Variants in PHACTR3 observed in about 807,000 individuals in gnomAD.
The protein encoded by PHACTR3 is protein phosphatase 1, regulatory subunit 123.
Under a neutral mutation model 66.8 loss-of-function variants are expected in PHACTR3, and 16 were observed. The ratio of observed to expected loss-of-function variants is 0.24; its 90% confidence interval spans 0.16 to 0.36. The LOEUF is 0.36. PHACTR3 is among the 10% of genes least tolerant of loss of function. The pLI is 1.00. For synonymous variants in PHACTR3, 323 were observed against 292.1 expected, an observed-to-expected ratio of 1.11 and a Z score of -1.08; for missense variants, 647 against 719.9, an observed-to-expected ratio of 0.90 and a Z score of 1.16.
chr20:59,669,665 C>T (rs780836411), intron 1 of PHACTR3, among the ~76,000 whole-genome samples: 1 of 152,182 alleles, frequency 6.6e-6, no homozygotes, highest in Non-Finnish European at 1.5e-5. Flanking sequence ...ACCTGTAACC[C>T]GCTTTCTGTT....
chr20:59,608,480 G>C (rs538926980), intron 1 of PHACTR3, among the ~76,000 whole-genome samples: 1 of 152,358 alleles, frequency 6.6e-6, no homozygotes, highest in East Asian at 1.9e-4. Context: ...GTCACAAGGG[G>C]TTTTGCTTCC....
chr20:59,757,071 AG>A (rs2039824491), intron 4 of PHACTR3, among the ~76,000 whole-genome samples: 1 of 152,242 alleles, frequency 6.6e-6, no homozygotes, highest in South Asian at 2.1e-4. Flanking sequence ...TCTCAAAAGA[AG>A]ATATTTATGC....
intron 8 of PHACTR3, among the ~76,000 whole-genome samples, chr20:59,833,164 G>A (rs568759552): frequency 1.5e-4 from 23 of 152,318 alleles, no homozygotes; most frequent in Non-Finnish European, 2.4e-4. Context: ...CTGTGCCTCC[G>A]GGGCTGTGTC....
At chr20:59,658,766 C>A (rs1284183020) in intron 1 of PHACTR3, among the ~76,000 whole-genome samples, 2 of 152,158 alleles carry the variant, frequency 1.3e-5, no homozygotes, top group African/African-American at 4.8e-5. Context: ...TCCTCTACAA[C>A]CTGATCCAGT....
chr20:59,784,239 C>T (rs913891415), intron 7 of PHACTR3, among the ~76,000 whole-genome samples: 8 of 152,012 alleles, frequency 5.3e-5, no homozygotes, highest in South Asian at 2.1e-4. Flanking sequence ...GTACAGCCCC[C>T]GCAATCGCAT....
At chr20:59,628,982 A>T (rs1488656900) in intron 1 of PHACTR3, among the ~76,000 whole-genome samples, 5 of 152,228 alleles carry the variant, frequency 3.3e-5, no homozygotes, top group Non-Finnish European at 5.9e-5. Flanking sequence ...TGGTACAGTG[A>T]GGTTAACTAA....
intron 1 of PHACTR3, among the ~76,000 whole-genome samples, chr20:59,596,942 C>T (rs757426198): frequency 6.6e-5 from 10 of 152,236 alleles, no homozygotes; most frequent in South Asian, 2.1e-4. Context: ...GTGTTGGACA[C>T]GGCTTACCCC....
chr20:59,836,445 C>G (rs1016942191), intron 8 of PHACTR3, 60 bp from the exon 9 acceptor site: 1 of 1,542,274 alleles, frequency 6.5e-7, no homozygotes, highest in Non-Finnish European at 8.8e-7. Context: ...TTGCAGACCC[C>G]AGGTGGAATT....
At chr20:59,685,174 G>A (rs2036816107) in intron 1 of PHACTR3, among the ~76,000 whole-genome samples, 1 of 152,182 alleles carries the variant, frequency 6.6e-6, no homozygotes, top group Non-Finnish European at 1.5e-5. Context: ...CCCTGCTTCT[G>A]CCCTGCAGTG....
intron 7 of PHACTR3, among the ~76,000 whole-genome samples, chr20:59,805,392 C>G (rs2041535962): frequency 6.6e-6 from 1 of 152,162 alleles, no homozygotes; most frequent in Non-Finnish European, 1.5e-5. Context: ...AAGGCTGTCA[C>G]TTAAAGTCTC....
At chr20:59,693,594 T>C (rs1289433430) in intron 1 of PHACTR3, among the ~76,000 whole-genome samples, 2 of 152,214 alleles carry the variant, frequency 1.3e-5, no homozygotes, top group African/African-American at 4.8e-5. Flanking sequence ...GAGACTGAGG[T>C]GGTACCTGGT....
chr20:59,783,389 A>G (rs2040795901), intron 7 of PHACTR3, among the ~76,000 whole-genome samples: 1 of 152,208 alleles, frequency 6.6e-6, no homozygotes, highest in African/African-American at 2.4e-5. Flanking sequence ...GGGAACGCAC[A>G]GCCCCAGTGA....
At chr20:59,634,356 A>G (rs963056224) in intron 1 of PHACTR3, among the ~76,000 whole-genome samples, 6 of 152,220 alleles carry the variant, frequency 3.9e-5, no homozygotes, top group Non-Finnish European at 5.9e-5. Context: ...GCACACTAGT[A>G]GTATTAACCT....
rs138764305 is a variant in PHACTR3, at chr20:59,733,340, A to AT, written c.119-9763dup. On this transcript the variant is annotated intron_variant, in intron 1 of 12. Transcript: ENST00000371015. ...GATTGAAATCTATTTCTAAAACTTG[A>AT]TTTTGGAGGTTCAGCTCCATTCTGG... 6.6e-4 allele frequency among the ~76,000 whole-genome samples: 100 copies of AT among 152,262 alleles called. 3 individuals carry two copies. The East Asian group carries it at 0.019, about 28-fold the overall frequency.
At chr20:59,775,664 G>A (rs376021967) in intron 7 of PHACTR3, among the ~76,000 whole-genome samples, 1 of 152,202 alleles carries the variant, frequency 6.6e-6, no homozygotes, top group African/African-American at 2.4e-5. Context: ...CAGAAACTAG[G>A]AGCTGGTCAC....
intron 5 of PHACTR3, among the ~76,000 whole-genome samples, chr20:59,769,410 G>T (rs1035638275): frequency 6.6e-6 from 1 of 152,222 alleles, no homozygotes; most frequent in African/African-American, 2.4e-5. Flanking sequence ...GACACACAGG[G>T]ATGGGACTGA....
intron 7 of PHACTR3, among the ~76,000 whole-genome samples, chr20:59,778,227 A>G (rs1316952502): frequency 6.6e-6 from 1 of 152,166 alleles, no homozygotes; most frequent in Non-Finnish European, 1.5e-5. Flanking sequence ...CCACAGGACC[A>G]GGGTCTCATA....
upstream of PHACTR3, chr20:59,604,066 GC>G (rs550180187): frequency 2.1e-5 from 3 of 144,162 alleles, no homozygotes; most frequent in Non-Finnish European, 3.0e-5. Context: ...CCGCCCCCCC[GC>G]CCCCCGGCAG....
chr20:59,647,285 A>G (rs537634450), intron 1 of PHACTR3, among the ~76,000 whole-genome samples: 1 of 152,316 alleles, frequency 6.6e-6, no homozygotes, highest in South Asian at 2.1e-4. Flanking sequence ...ACTACCATGA[A>G]AACAGTAGGG....
Sources: allele counts gnomAD v4.1 joint callset (sites outside exome capture counted in the v4.1 genomes callset), GRCh38; gene constraint gnomAD v4.1.1; transcripts MANE v1.5; gene names NCBI Gene and HGNC (gene_info 2026-07-23, HGNC 2026-07-21).